The following SNX29 variants were observed in gnomAD, a reference collection of about 807,000 sequenced individuals.
SNX29 encodes the protein sorting nexin-29.
In SNX29, 78 loss-of-function variants were observed where a neutral mutation model predicts 102.1. The ratio of observed to expected loss-of-function variants is 0.76; its 90% CI spans 0.64 to 0.92. The LOEUF is 0.92. Among genes scored for constraint, SNX29 ranks in the 40% least tolerant of loss-of-function variants. The probability of loss-of-function intolerance (pLI) is 0.00; values close to 1 mark genes in which losing one functional copy is unlikely to be tolerated. For synonymous variants in SNX29, 580 were observed against 414.5 expected, an observed-to-expected ratio of 1.40 and a Z score of -4.85; for missense variants, 1,280 against 1,061.7, an observed-to-expected ratio of 1.21 and a Z score of -2.86.
chr16:12,252,057 G>A (rs1316654058), intron 14 of SNX29, among the ~76,000 whole-genome samples: 1 of 152,082 alleles, frequency 6.6e-6, no homozygotes, highest in Non-Finnish European at 1.5e-5. Flanking sequence ...ACCACGCCTG[G>A]GTCCCATAAC....
intron 16 of SNX29, among the ~76,000 whole-genome samples, chr16:12,386,308 A>T (rs749041951): frequency 5.9e-5 from 9 of 152,112 alleles, no homozygotes; most frequent in Non-Finnish European, 1.3e-4. Context: ...TGATTCAGGC[A>T]CTCTTCTTAG....
At chr16:12,458,162 G>A (rs1050152157) in intron 18 of SNX29, among the ~76,000 whole-genome samples, 3 of 152,238 alleles carry the variant, frequency 2.0e-5, no homozygotes, top group East Asian at 1.9e-4. Context: ...TGCACTGCAC[G>A]TGGAGAAACC....
chr16:12,528,041 G>A (rs899988095), intron 20 of SNX29, among the ~76,000 whole-genome samples: 2 of 151,676 alleles, frequency 1.3e-5, no homozygotes, highest in African/African-American at 4.8e-5. Context: ...TAGCCAGGAT[G>A]GTCTCGATCT....
chr16:12,383,397 T>G (rs1278892610), intron 16 of SNX29, among the ~76,000 whole-genome samples: 1 of 152,226 alleles, frequency 6.6e-6, no homozygotes, highest in Non-Finnish European at 1.5e-5. Context: ...GACCACCGAA[T>G]TAACACTGTT....
intron 14 of SNX29, among the ~76,000 whole-genome samples, chr16:12,261,668 G>A (rs921325990): frequency 7.3e-6 from 1 of 136,460 alleles, no homozygotes; most frequent in Non-Finnish European, 1.6e-5. Context: ...GGGTCTGCAC[G>A]TGTCCCCGGC....
chr16:12,423,386 A>C (rs1384376472), intron 18 of SNX29, among the ~76,000 whole-genome samples: 1 of 152,066 alleles, frequency 6.6e-6, no homozygotes, highest in Non-Finnish European at 1.5e-5. Flanking sequence ...CAATGGCATC[A>C]CTTCCAGATG....
chr16:12,330,807 G>C (rs1427292761), intron 15 of SNX29, among the ~76,000 whole-genome samples: 1 of 152,204 alleles, frequency 6.6e-6, no homozygotes, highest in South Asian at 2.1e-4. Context: ...GCCCAGTGTA[G>C]GTCTGGCGGA....
intron 20 of SNX29, among the ~76,000 whole-genome samples, chr16:12,559,097 G>C (rs12931667): frequency 0.19 from 28,952 of 152,034 alleles, 2,973 homozygotes; most frequent in East Asian, 0.43. Context: ...CCTTAGTCTA[G>C]GATGAGTAGT....
chr16:12,415,415 T>C (rs913105680), intron 18 of SNX29, among the ~76,000 whole-genome samples: 1 of 152,244 alleles, frequency 6.6e-6, no homozygotes, highest in Non-Finnish European at 1.5e-5. Flanking sequence ...GCATTTCTGA[T>C]GTATTTGGAT....
At chr16:12,309,652 G>A (rs1375198621) in intron 15 of SNX29, among the ~76,000 whole-genome samples, 2 of 152,170 alleles carry the variant, frequency 1.3e-5, no homozygotes, top group Non-Finnish European at 2.9e-5. Flanking sequence ...GTGAAGGAAT[G>A]GGTGCCCACA....
intron 11 of SNX29, among the ~76,000 whole-genome samples, chr16:12,124,187 C>T (rs1343116478): frequency 6.6e-6 from 1 of 152,102 alleles, no homozygotes; most frequent in Non-Finnish European, 1.5e-5. Context: ...GAAACCCCAT[C>T]TCTACTAAAA....
At chr16:12,247,603 C>T (rs868783419) in intron 14 of SNX29, among the ~76,000 whole-genome samples, 11 of 152,196 alleles carry the variant, frequency 7.2e-5, no homozygotes, top group Non-Finnish European at 1.6e-4. Flanking sequence ...GGTCCATGTT[C>T]CATTTACCAA....
chr16:12,301,623 T>C (rs1364880800), intron 15 of SNX29, among the ~76,000 whole-genome samples: 1 of 152,238 alleles, frequency 6.6e-6, no homozygotes, highest in South Asian at 2.1e-4. Flanking sequence ...GATTACGTCG[T>C]TGTTGGCTCT....
rs575097433 is a variant in SNX29 at position 12,573,588 on chromosome 16, T to C, written c.*4959T>C. 9 of 222,090 alleles carry C rather than the reference T, an allele frequency of 4.1e-5. No homozygotes were observed. The highest frequency in any genetic ancestry group is 8.1e-5 in the Non-Finnish European group (9 of 110,962). 13.8% of individuals were successfully genotyped at this position (222,090 alleles called of 1,614,324 possible). A position where few individuals can be genotyped will look rare whatever the true frequency, so the allele number is the denominator to read the frequency against. On this transcript the variant is annotated 3_prime_UTR_variant, in exon 21 of 21. Transcript: ENST00000566228. ...AACCACTCACCCAGGCTTCCCCCAC[T>C]TCCCCTCAAATTTTCTCAGCTCTGC...
intron 3 of SNX29, among the ~76,000 whole-genome samples, chr16:12,007,763 C>G (rs933994700): frequency 6.6e-6 from 1 of 152,108 alleles, no homozygotes; most frequent in Non-Finnish European, 1.5e-5. Flanking sequence ...CTGCTTCCAC[C>G]ACATTGAATG....
intron 14 of SNX29, among the ~76,000 whole-genome samples, chr16:12,255,303 C>T (rs1341803416): frequency 1.3e-5 from 2 of 152,108 alleles, no homozygotes; most frequent in Admixed American, 6.5e-5. Context: ...TCAAGTGATT[C>T]TCCTGCCTCA....
intron 18 of SNX29, among the ~76,000 whole-genome samples, chr16:12,456,119 G>T (rs1478834767): frequency 2.0e-5 from 3 of 152,142 alleles, no homozygotes; most frequent in Admixed American, 1.3e-4. Flanking sequence ...CCAGGCACTG[G>T]TCTGGGTACT....
rs1006879602 is a variant in SNX29, at chr16:12,569,746, T to C, written c.*1117T>C. 1.7e-5 allele frequency: 4 copies of C among 230,496 alleles called. No homozygotes were observed. Among genetic ancestry groups the C allele is most frequent in the African/African-American group, 6.6e-5 (3 of 45,182 alleles). 14.3% of individuals were successfully genotyped at this position (230,496 alleles called of 1,614,324 possible). On this transcript the variant is annotated 3_prime_UTR_variant, in exon 21 of 21. Coordinates refer to ENST00000566228, the MANE Select transcript of SNX29 (RefSeq NM_032167.5). The stretch of plus-strand genomic sequence containing the variant: ...GCTGGGCAGCCCCCAGGGCTCCTCC[T>C]CCAGTGAGCTCACATCAGAGCACCT...
intron 18 of SNX29, among the ~76,000 whole-genome samples, chr16:12,444,300 C>G (rs2085950356): frequency 6.6e-6 from 1 of 151,854 alleles, no homozygotes; most frequent in African/African-American, 2.4e-5. Flanking sequence ...AGTAAGCACT[C>G]AGTATAGCAC....
Sources: gnomAD v4.1 joint callset for allele counts (sites outside exome capture counted in the v4.1 genomes callset) on GRCh38, gnomAD v4.1.1 for gene constraint, MANE v1.5 for transcripts, NCBI Gene and HGNC (gene_info 2026-07-23, HGNC 2026-07-21) for gene names.